Variants in IMPG1 observed in about 807,000 individuals in gnomAD.
The protein encoded by IMPG1 is interphotoreceptor matrix proteoglycan of 150 kDa.
A neutral mutation model predicts 92.0 loss-of-function variants in IMPG1; 85 were observed. That is an observed-to-expected ratio of 0.92 (90% CI 0.78 to 1.11). IMPG1 has a LOEUF of 1.11. Among genes scored for constraint, IMPG1 ranks in the 50% least tolerant of loss-of-function variants. The pLI is 0.00. For missense variants in IMPG1, 1,022 were observed against 956.0 expected (o/e 1.07, Z -0.91); for synonymous variants, 367 against 334.1 (o/e 1.10, Z -1.08).
At chr6:75,948,721 A>G (rs1781973620) in intron 13 of IMPG1, among the ~76,000 whole-genome samples, 1 of 151,828 alleles carries the variant, frequency 6.6e-6, no homozygotes, top group East Asian at 1.9e-4. Context: ...TCCCAAATCC[A>G]TTTTCCTATT....
chr6:75,971,234 C>T (rs1003160953), intron 12 of IMPG1, among the ~76,000 whole-genome samples: 6 of 150,108 alleles, frequency 4.0e-5, no homozygotes, highest in Non-Finnish European at 8.8e-5. Context: ...AACCAAACAC[C>T]GCATGTTCTC....
rs527665483 is a variant in IMPG1, at chr6:76,052,480, C to T, written c.68-10354G>A. Among the ~76,000 whole-genome samples the T allele has an allele frequency of 3.3e-5, 5 of 152,306 alleles. No homozygotes were observed. The East Asian group carries it at 9.6e-4, about 29-fold the overall frequency. On this transcript the variant is annotated intron_variant, in intron 1 of 16. Transcript: ENST00000369950. ...ACGTACATTAACATTTAGCTGCCAC[C>T]TGCAGAGGTGCTGTTCCTGCAAGTT...
rs139742412 is a variant in IMPG1, at chr6:76,026,127, C to G, written c.498-869G>C. On this transcript the variant is annotated intron_variant, in intron 4 of 16. Transcript: ENST00000369950. ...GCAGGGACTCTGTGCGGGAAGCACT[C>G]TAGCAGGGACTCTGCGCTAGCAAGA... Among the ~76,000 whole-genome samples, 275 of 152,202 alleles carry G rather than the reference C, an allele frequency of 1.8e-3. 1 individual carries two copies. Among genetic ancestry groups the G allele is most frequent in the African/African-American group, 6.3e-3 (262 of 41,534 alleles).
chr6:76,054,116 G>A (rs550224409), intron 1 of IMPG1, among the ~76,000 whole-genome samples: 68 of 152,190 alleles, frequency 4.5e-4, no homozygotes, highest in African/African-American at 1.6e-3. Context: ...TATTTGCTCT[G>A]GTTTGTAACT....
chr6:76,004,316 A>G (rs966187126), intron 10 of IMPG1, among the ~76,000 whole-genome samples: 1 of 152,218 alleles, frequency 6.6e-6, no homozygotes. Flanking sequence ...ACTGGAACCA[A>G]GGATCATTTG....
Position 76,045,831 on chromosome 6 carries a change from A to C in IMPG1, c.68-3705T>G, listed in dbSNP as rs569429844. Among the ~76,000 whole-genome samples, 4 of 152,286 alleles carry C rather than the reference A, an allele frequency of 2.6e-5. No individual in the cohort carries two copies. In the South Asian group the frequency reaches 8.3e-4, roughly 32 times the overall value. ...TGAACTTTTAAAGATTCTTTGGGTC[A>C]CTTTTATGAGTTTGATATTTTTGGT... is the stretch of plus-strand genomic sequence containing the variant. On this transcript the variant is annotated intron_variant, in intron 1 of 16. Coordinates refer to ENST00000369950, the MANE Select transcript of IMPG1 (RefSeq NM_001563.4).
At chr6:76,063,197 C>A (rs1582138685) in intron 1 of IMPG1, among the ~76,000 whole-genome samples, 2 of 149,224 alleles carry the variant, frequency 1.3e-5, no homozygotes, top group African/African-American at 2.5e-5. Context: ...AAGTGAGACT[C>A]CATCTCAAAA....
chr6:75,925,291 A>G (rs1037111920), intron 15 of IMPG1, among the ~76,000 whole-genome samples: 9 of 152,140 alleles, frequency 5.9e-5, no homozygotes, highest in Admixed American at 3.9e-4. Flanking sequence ...AGACCTTTCT[A>G]TATACATAAT....
At chr6:76,047,471 A>G (rs1232391006) in intron 1 of IMPG1, among the ~76,000 whole-genome samples, 1 of 152,212 alleles carries the variant, frequency 6.6e-6, no homozygotes, top group African/African-American at 2.4e-5. Context: ...ATAGCTGTAA[A>G]TGAGATAAAC....
At chr6:75,928,910 T>G (rs907498885) in intron 15 of IMPG1, among the ~76,000 whole-genome samples, 5 of 152,238 alleles carry the variant, frequency 3.3e-5, no homozygotes, top group African/African-American at 1.2e-4. Flanking sequence ...GCTTTCTCAT[T>G]TAATGATATG....
chr6:76,049,730 G>A (rs1392628131), intron 1 of IMPG1, among the ~76,000 whole-genome samples: 1 of 152,064 alleles, frequency 6.6e-6, no homozygotes, highest in Non-Finnish European at 1.5e-5. Flanking sequence ...CAGAGATCTA[G>A]CACAGTAGGA....
At chr6:76,066,793 T>G (rs1784317896) in intron 1 of IMPG1, among the ~76,000 whole-genome samples, 1 of 152,158 alleles carries the variant, frequency 6.6e-6, no homozygotes, top group African/African-American at 2.4e-5. Flanking sequence ...AAAAACCGTA[T>G]GTCAGACCAC....
chr6:76,011,832 G>A (rs1053768032), intron 7 of IMPG1, among the ~76,000 whole-genome samples: 2 of 146,866 alleles, frequency 1.4e-5, no homozygotes, highest in African/African-American at 2.5e-5. Flanking sequence ...GAGAATATGC[G>A]GTGTTTGGTT....
intron 14 of IMPG1, among the ~76,000 whole-genome samples, chr6:75,939,805 G>T (rs1781808461): frequency 6.6e-6 from 1 of 152,142 alleles, no homozygotes; most frequent in African/African-American, 2.4e-5. Flanking sequence ...CCCTGTCTCT[G>T]TGGAAAGGTA....
rs138631796 is a variant in IMPG1, at chr6:76,045,418, T to C, written c.68-3292A>G. On this transcript the variant is annotated intron_variant, in intron 1 of 16. Transcript: ENST00000369950. ...CATATTTTTCCTACTTTAGGTTCTC[T>C]TGGCTGAACAAACAACCTCCATCTT... 1.1e-4 allele frequency among the ~76,000 whole-genome samples: 16 copies of C among 151,084 alleles called. No homozygotes were observed. The East Asian group carries it at 2.9e-3, about 28-fold the overall frequency.
chr6:76,051,840 G>A (rs1051147081), intron 1 of IMPG1, among the ~76,000 whole-genome samples: 19 of 152,084 alleles, frequency 1.2e-4, no homozygotes, highest in African/African-American at 4.6e-4. Context: ...CAAAAATCAG[G>A]TTTAACCATC....
intron 12 of IMPG1, among the ~76,000 whole-genome samples, chr6:75,991,538 G>C (rs117531662): frequency 6.6e-6 from 1 of 152,316 alleles, no homozygotes; most frequent in African/African-American, 2.4e-5. Flanking sequence ...CACTTGAGAA[G>C]TGATTAATGG....
intron 2 of IMPG1, among the ~76,000 whole-genome samples, chr6:76,035,993 G>A (rs1026996358): frequency 4.6e-5 from 7 of 152,192 alleles, no homozygotes; most frequent in Non-Finnish European, 8.8e-5. Context: ...GACAGATCAT[G>A]ATGTGATTAT....
At chr6:76,015,800 CAA>C (rs35389302) in intron 7 of IMPG1, among the ~76,000 whole-genome samples, 1,432 of 66,754 alleles carry the variant, frequency 0.021, 22 homozygotes, top group African/African-American at 0.074. Context: ...AACTCTGTCT[CAA>C]AAAAAAAAAA....
Sources: gnomAD v4.1 joint callset for allele counts (sites outside exome capture counted in the v4.1 genomes callset) on GRCh38, gnomAD v4.1.1 for gene constraint, MANE v1.5 for transcripts, NCBI Gene and HGNC (gene_info 2026-07-23, HGNC 2026-07-21) for gene names.